The following MAP3K7CL variants were observed in gnomAD, a reference collection of about 807,000 sequenced individuals.
MAP3K7CL encodes the protein MAP3K7 C-terminal-like protein.
Under a neutral mutation model 18.6 loss-of-function variants are expected in MAP3K7CL, and 16 were observed. That is an observed-to-expected ratio of 0.86 (90% confidence interval 0.58 to 1.31). The LOEUF is 1.31. Ranked by LOEUF, MAP3K7CL falls within the 50% of genes most tolerant of loss-of-function variation. MAP3K7CL has a pLI of 0.00. For missense variants in MAP3K7CL, 163 were observed against 174.4 expected (o/e 0.93, Z 0.37); for synonymous variants, 65 against 66.8 (o/e 0.97, Z 0.13).
intron 4 of MAP3K7CL, among the ~76,000 whole-genome samples, chr21:29,110,749 C>T (rs6516891): frequency 0.44 from 67,217 of 151,932 alleles, 15,142 homozygotes; most frequent in East Asian, 0.64. Flanking sequence ...CTTCATGTCC[C>T]ACCCCTTCTA....
At chr21:29,087,929 A>G (rs1029691327) in intron 1 of MAP3K7CL, among the ~76,000 whole-genome samples, 13 of 152,056 alleles carry the variant, frequency 8.5e-5, no homozygotes, top group African/African-American at 3.1e-4. Flanking sequence ...ATACAACACT[A>G]TGAGATTTCT....
intron 1 of MAP3K7CL, among the ~76,000 whole-genome samples, chr21:29,078,999 A>G (rs1051050083): frequency 2.0e-5 from 3 of 152,200 alleles, no homozygotes; most frequent in Non-Finnish European, 2.9e-5. Flanking sequence ...CCTTGAGGTC[A>G]TTGTTCTGCT....
At chr21:29,094,118 TC>T (rs2086079055) in intron 4 of MAP3K7CL, among the ~76,000 whole-genome samples, 1 of 152,186 alleles carries the variant, frequency 6.6e-6, no homozygotes, top group African/African-American at 2.4e-5. Flanking sequence ...GGGCAATTTT[TC>T]CCCCAGGGGA....
At chr21:29,126,795 GAA>G (rs1198797506), upstream of MAP3K7CL, among the ~76,000 whole-genome samples, 7 of 152,076 alleles carry the variant, frequency 4.6e-5, no homozygotes, top group South Asian at 4.1e-4. Flanking sequence ...GCCCTTTAGA[GAA>G]AAATTGTGCT....
chr21:29,082,446 G>T (rs964520772), upstream of MAP3K7CL, among the ~76,000 whole-genome samples: 1 of 152,158 alleles, frequency 6.6e-6, no homozygotes, highest in Admixed American at 6.5e-5. Flanking sequence ...TTATGTATCT[G>T]CAGTCAGCTG....
chr21:29,107,056 G>A lies in MAP3K7CL; in HGVS notation c.370+14475G>A, dbSNP rs530006290. Among the ~76,000 whole-genome samples the A allele has an allele frequency of 1.8e-4, 27 of 152,314 alleles. 1 individual carries two copies. The South Asian group carries it at 5.4e-3, about 30-fold the overall frequency. ...ACTTAGGCCAGGCGTGGTGGCTCAC[G>A]CCTGTAATCTCAGCACTTTGGGAGG... On this transcript the variant is annotated intron_variant, in intron 4 of 6. Coordinates refer to the MAP3K7CL transcript ENST00000286791.
At chr21:29,095,243 A>G (rs545245640) in intron 4 of MAP3K7CL, among the ~76,000 whole-genome samples, 1 of 151,764 alleles carries the variant, frequency 6.6e-6, no homozygotes, top group East Asian at 1.9e-4. Context: ...CTCTATTCAG[A>G]GGCTGTCTGT....
intron 4 of MAP3K7CL, chr21:29,109,511 G>A (rs2086382899): frequency 9.2e-7 from 1 of 1,081,392 alleles, no homozygotes; most frequent in Non-Finnish European, 1.1e-6. Context: ...AGAGATACAG[G>A]AATAGATTTT....
chr21:29,078,658 C>T (rs953509915), intron 1 of MAP3K7CL, among the ~76,000 whole-genome samples: 16 of 152,094 alleles, frequency 1.1e-4, no homozygotes, highest in East Asian at 1.9e-4. Context: ...ATTGAGAGGC[C>T]GAGAACTGGG....
At chr21:29,082,385 T>A (rs1388944708), upstream of MAP3K7CL, among the ~76,000 whole-genome samples, 2 of 152,122 alleles carry the variant, frequency 1.3e-5, no homozygotes, top group African/African-American at 4.8e-5. Flanking sequence ...TAGGACTGGT[T>A]GGGTGGTTTG....
intron 4 of MAP3K7CL, among the ~76,000 whole-genome samples, chr21:29,110,882 C>T (rs1178451383): frequency 6.6e-6 from 1 of 152,068 alleles, no homozygotes; most frequent in Non-Finnish European, 1.5e-5. Context: ...TAAATCTGAA[C>T]GTATATATTT....
rs1440543030 is a variant in MAP3K7CL, at chr21:29,175,058, AG to A, written c.*169del. On this transcript the variant is annotated 3_prime_UTR_variant, in exon 5 of 5. Transcript: ENST00000399928. ...GCTTGCCAGCTTCTAGCTTGAGAGA[AG>A]GGATATTTTAAATGAGATCATTAAC... 2.1e-5 allele frequency: 12 copies of A among 573,596 alleles called. No homozygotes were observed. The highest frequency in any genetic ancestry group is 3.5e-5 in the Non-Finnish European group (12 of 344,014). 35.5% of individuals were successfully genotyped at this position (573,596 alleles called of 1,614,324 possible).
upstream of MAP3K7CL, among the ~76,000 whole-genome samples, chr21:29,084,454 T>G (rs1334038284): frequency 1.3e-5 from 2 of 152,234 alleles, no homozygotes; most frequent in East Asian, 3.8e-4. Flanking sequence ...GTAACGATGC[T>G]TGATGGTTCA....
chr21:29,135,378 A>G (rs1006817143), intron 2 of MAP3K7CL, among the ~76,000 whole-genome samples: 42 of 152,180 alleles, frequency 2.8e-4, no homozygotes, highest in Admixed American at 2.6e-3. Flanking sequence ...AGGAAAATGT[A>G]TAATTTCCTT....
At chr21:29,143,419 CT>C (rs988052481) in intron 2 of MAP3K7CL, among the ~76,000 whole-genome samples, 3 of 150,524 alleles carry the variant, frequency 2.0e-5, no homozygotes, top group Non-Finnish European at 4.4e-5. Context: ...AACCTAAACA[CT>C]TTTTTTTTCT....
At chr21:29,105,271 A>G (rs1302746182) in intron 4 of MAP3K7CL, among the ~76,000 whole-genome samples, 1 of 152,172 alleles carries the variant, frequency 6.6e-6, no homozygotes. Flanking sequence ...CAGTCCTCCT[A>G]CAGGTGATCG....
intron 4 of MAP3K7CL, among the ~76,000 whole-genome samples, chr21:29,169,391 A>G (rs184645158): frequency 1.8e-4 from 28 of 152,344 alleles, no homozygotes; most frequent in African/African-American, 6.3e-4. Flanking sequence ...CCTGGATAAA[A>G]TGAAGGTAGA....
chr21:29,113,059 T>C (rs780031654), intron 4 of MAP3K7CL, among the ~76,000 whole-genome samples: 4 of 152,220 alleles, frequency 2.6e-5, no homozygotes, highest in Non-Finnish European at 5.9e-5. Flanking sequence ...CCTCCCAAAG[T>C]GCTGGGATTA....
At chr21:29,121,429 T>C (rs1231261139) in intron 4 of MAP3K7CL, among the ~76,000 whole-genome samples, 1 of 152,228 alleles carries the variant, frequency 6.6e-6, no homozygotes, top group African/African-American at 2.4e-5. Context: ...TTTCCTACTT[T>C]TGTGAACCAA....
Sources: allele counts gnomAD v4.1 joint callset (sites outside exome capture counted in the v4.1 genomes callset), GRCh38; gene constraint gnomAD v4.1.1; transcripts MANE v1.5; gene names NCBI Gene and HGNC (gene_info 2026-07-23, HGNC 2026-07-21).